ATP5F1E: variants seen among roughly 807,000 people sequenced by gnomAD.
ATP5F1E encodes the protein ATP synthase F(1) complex subunit epsilon, mitochondrial.
A neutral mutation model predicts 7.0 loss-of-function variants in ATP5F1E; 5 were observed. The ratio of observed to expected loss-of-function variants is 0.71; its 90% CI spans 0.37 to 1.49. The LOEUF (loss-of-function observed/expected upper bound fraction) is 1.49. Among genes scored for constraint, ATP5F1E ranks in the 40% most tolerant of loss-of-function variants. ATP5F1E has a pLI of 0.03. For missense variants in ATP5F1E, 59 were observed against 57.1 expected (o/e 1.03, Z -0.11); for synonymous variants, 20 against 20.1 (o/e 0.99, Z 0.02).
chr20:59,031,002 ACAT>A (rs1260232497), intron 1 of ATP5F1E, among the ~76,000 whole-genome samples: 6 of 152,256 alleles, frequency 3.9e-5, no homozygotes, highest in Admixed American at 2.6e-4. Flanking sequence ...TGCTTAGAGA[ACAT>A]CATCAATTCT....
intron 2 of ATP5F1E, 74 bp downstream of exon 2, chr20:59,030,229 A>G: frequency 6.3e-7 from 1 of 1,582,408 alleles, no homozygotes; most frequent in African/African-American, 1.3e-5. Flanking sequence ...ACCCAAAACT[A>G]AAATTATTTT....
chr20:59,030,405 A>G lies in ATP5F1E; in HGVS notation c.57T>C (p.Cys19=). The G allele has an allele frequency of 6.2e-7, 1 of 1,613,840 alleles. No individual in the cohort carries two copies. Among genetic ancestry groups the G allele is most frequent in the South Asian group, 1.1e-5 (1 of 91,088 alleles). ...GLSYIRYSQI[C]AKAVRDALKT... ...TCAGTGCATCTCTCACTGCTTTTGC[A>G]CAGATCTGGGAGTATCGGATGTAGC... The change falls in exon 2 of 3, where the codon TGT becomes TGC. Residue 19 remains cysteine (C), a synonymous_variant. Transcript: ENST00000243997.
intron 2 of ATP5F1E, 83 bp downstream of exon 2, chr20:59,030,220 C>G (rs2092017159): frequency 6.4e-7 from 1 of 1,558,208 alleles, no homozygotes; most frequent in Admixed American, 1.8e-5. Flanking sequence ...ATGAATAGAA[C>G]CCAAAACTAA....
intron 2 of ATP5F1E, chr20:59,029,612 GA>G (rs1255439132): frequency 2.6e-5 from 4 of 152,198 alleles, no homozygotes; most frequent in African/African-American, 9.6e-5. Flanking sequence ...ACAATGTCAA[GA>G]AAGTACTTTA....
In ATP5F1E at chr20:59,032,321, T is replaced by G. The variant is rs2092038465; in HGVS notation, c.-70A>C. On this transcript the variant is annotated 5_prime_UTR_variant, in exon 1 of 3. Transcript: ENST00000243997. ...CGGCAATGTCGGCTCAGCCGGGCGG[T>G]TCAGCCGCAGGAAGATCAGACCACA... 1 of 1,558,858 alleles carries G rather than the reference T, an allele frequency of 6.4e-7. No homozygotes were observed. Among genetic ancestry groups the G allele is most frequent in the East Asian group, 2.3e-5 (1 of 42,574 alleles).
Position 59,028,061 on chromosome 20 carries a change from A to C in ATP5F1E, c.*784T>G, listed in dbSNP as rs754692396. The stretch of plus-strand genomic sequence containing the variant: ...AAGAAAGATAAAAACATAACTTGCA[A>C]CAATTTTTCATCCCTAAATAATGAA... On this transcript the variant is annotated 3_prime_UTR_variant, in exon 3 of 3. Coordinates refer to ENST00000243997, the MANE Select transcript of ATP5F1E (RefSeq NM_006886.4). 1.4e-4 allele frequency: 22 copies of C among 152,256 alleles called. No homozygotes were observed. The highest frequency in any genetic ancestry group is 5.2e-4 in the Admixed American group (8 of 15,294). The allele number at this position is 152,256 out of a possible 1,614,324, so 9.4% of individuals were successfully genotyped here.
intron 1 of ATP5F1E, 49 bp downstream of exon 1, chr20:59,032,171 G>A: frequency 6.4e-7 from 1 of 1,566,866 alleles, no homozygotes; most frequent in Non-Finnish European, 8.6e-7. Flanking sequence ...GCACCGGGAT[G>A]CGCGCGGGCC....
rs1315644416 is a variant in ATP5F1E, at chr20:59,026,478, G to A, written c.*2367C>T. 6.6e-6 allele frequency: 1 copy of A among 152,136 alleles called. No individual in the cohort carries two copies. The highest frequency in any genetic ancestry group is 1.5e-5 in the Non-Finnish European group (1 of 68,014). The allele number at this position is 152,136 out of a possible 1,614,324, so 9.4% of individuals were successfully genotyped here. Reference sequence around the variant, plus strand: ...TGCTTTACTTCCCAAACCTAAAAAAGCAATGAAATAGATGTAAGGAAGGAG... The same window carrying A: ...TGCTTTACTTCCCAAACCTAAAAAAACAATGAAATAGATGTAAGGAAGGAG... On this transcript the variant is annotated 3_prime_UTR_variant, in exon 3 of 3. Coordinates refer to ENST00000243997, the MANE Select transcript of ATP5F1E (RefSeq NM_006886.4).
chr20:59,030,344 C>T lies in ATP5F1E; in HGVS notation c.118G>A (p.Gly40Ser). The T allele has an allele frequency of 1.2e-6, 2 of 1,613,868 alleles. No homozygotes were observed. The highest frequency in any genetic ancestry group is 8.5e-7 in the Non-Finnish European group (1 of 1,179,898). Residue 40 changes from glycine to serine, a missense_variant, in exon 2 of 3, where the codon GGC becomes AGC. Transcript: ENST00000243997. ...ACTTTCACAATTTTTACGTTGCTGCCAGAAGTCTTCTCAGCATTTGCTTTG... is the reference window on the plus strand; with the variant it reads ...ACTTTCACAATTTTTACGTTGCTGCTAGAAGTCTTCTCAGCATTTGCTTTG... The part of the protein sequence containing the change: ...EFKANAEKTS[G>S]SNVKIVKVKK...
In ATP5F1E at chr20:59,027,070, T is replaced by C. The variant is rs753905261; in HGVS notation, c.*1775A>G. ...CTACTGGTTTAGGATTTTTTTTTAATCACGGAGAAAAGAGCCTCTAAGAAT... is the reference window on the plus strand; with the variant it reads ...CTACTGGTTTAGGATTTTTTTTTAACCACGGAGAAAAGAGCCTCTAAGAAT... On this transcript the variant is annotated 3_prime_UTR_variant, in exon 3 of 3. Coordinates refer to ENST00000243997, the MANE Select transcript of ATP5F1E (RefSeq NM_006886.4). 6.6e-6 allele frequency: 1 copy of C among 152,210 alleles called. No homozygotes were observed. Among genetic ancestry groups the C allele is most frequent in the Non-Finnish European group, 1.5e-5 (1 of 68,032 alleles). The allele number at this position is 152,210 out of a possible 1,614,324, so 9.4% of individuals were successfully genotyped here.
Position 59,028,022 on chromosome 20 carries a change from C to T in ATP5F1E, c.*823G>A, listed in dbSNP as rs1419230787. On this transcript the variant is annotated 3_prime_UTR_variant, in exon 3 of 3. Coordinates refer to ENST00000243997, the MANE Select transcript of ATP5F1E (RefSeq NM_006886.4). ...GCAATGGTGTTTTACTTGCCCAAGC[C>T]CTTTCAAGTTTCAAAGAAAGATAAA... 1 of 152,154 alleles carries T rather than the reference C, an allele frequency of 6.6e-6. No homozygotes were observed. Among genetic ancestry groups the T allele is most frequent in the Non-Finnish European group, 1.5e-5 (1 of 68,038 alleles). The allele number at this position is 152,154 out of a possible 1,614,324, so 9.4% of individuals were successfully genotyped here. A position where few individuals can be genotyped will look rare whatever the true frequency, so the allele number is the denominator to read the frequency against.
intron 1 of ATP5F1E, among the ~76,000 whole-genome samples, chr20:59,031,434 C>T (rs140222856): frequency 6.6e-6 from 1 of 152,344 alleles, no homozygotes; most frequent in Admixed American, 6.5e-5. Context: ...GCTGGCTTGA[C>T]CTCAGCAAGT....
At chr20:59,030,595 A>G (rs1221672749) in intron 1 of ATP5F1E, among the ~76,000 whole-genome samples, 166 bp from the exon 2 acceptor site, 1 of 152,284 alleles carries the variant, frequency 6.6e-6, no homozygotes, top group African/African-American at 2.4e-5. Context: ...ATCTATACAA[A>G]GAAAAAGAAC....
chr20:59,032,320 G>C lies in ATP5F1E; in HGVS notation c.-69C>G. ...CCGGCAATGTCGGCTCAGCCGGGCG[G>C]TTCAGCCGCAGGAAGATCAGACCAC... On this transcript the variant is annotated 5_prime_UTR_variant, in exon 1 of 3. Coordinates refer to ENST00000243997, the MANE Select transcript of ATP5F1E (RefSeq NM_006886.4). 7.7e-6 allele frequency: 12 copies of C among 1,560,122 alleles called. No individual in the cohort carries two copies. The highest frequency in any genetic ancestry group is 3.5e-5 in the South Asian group (3 of 85,236).
chr20:59,027,167 G>A lies in ATP5F1E; in HGVS notation c.*1678C>T, dbSNP rs2091999071. On this transcript the variant is annotated 3_prime_UTR_variant, in exon 3 of 3. Transcript: ENST00000243997. ...TCCATATCACAAGCCCTGTCCCTAA[G>A]TCTCACCTCTAATTACCCCATCTGC... is the stretch of plus-strand genomic sequence containing the variant. The A allele has an allele frequency of 6.6e-6, 1 of 152,060 alleles. No individual in the cohort carries two copies. 9.4% of individuals were successfully genotyped at this position (152,060 alleles called of 1,614,324 possible).
Position 59,032,260 on chromosome 20 carries a change from GA to G in ATP5F1E, c.-10del. The G allele has an allele frequency of 6.2e-7, 1 of 1,601,054 alleles. No individual in the cohort carries two copies. Among genetic ancestry groups the G allele is most frequent in the South Asian group, 1.1e-5 (1 of 88,830 alleles). Reference sequence around the variant, plus strand: ...CTCCAGTAGGCCACCATGCTGTAGCGAAAGCGGAGCTCGTCGGGCCGAATCG... The same window carrying G: ...CTCCAGTAGGCCACCATGCTGTAGCGAAGCGGAGCTCGTCGGGCCGAATCG... On this transcript the variant is annotated 5_prime_UTR_variant, in exon 1 of 3. Transcript: ENST00000243997.
chr20:59,032,090 G>A (rs2092035746), intron 1 of ATP5F1E, 130 bp downstream of exon 1: 8 of 1,311,532 alleles, frequency 6.1e-6, no homozygotes, highest in South Asian at 1.3e-5. Flanking sequence ...CATCTTGGCG[G>A]CGACGCCCGA....
chr20:59,030,315 C>T lies in ATP5F1E; in HGVS notation c.147G>A (p.Lys49=), dbSNP rs1329602438. 6.2e-6 allele frequency: 10 copies of T among 1,613,578 alleles called. No homozygotes were observed. The African/African-American group carries it at 1.3e-4, about 22-fold the overall frequency. ...ATCCATAACTTACAGATTATTCCTT[C>T]TTTACTTTCACAATTTTTACGTTGC... ...SGSNVKIVKV[K]KE is the part of the protein sequence containing the mutation. Residue 49 remains lysine (K), a synonymous_variant, in exon 2 of 3, where the codon AAG becomes AAA. Transcript: ENST00000243997.
intron 1 of ATP5F1E, 133 bp downstream of exon 1, chr20:59,032,087 G>A: frequency 3.1e-6 from 4 of 1,283,080 alleles, no homozygotes; most frequent in South Asian, 1.3e-5. Context: ...CGCCATCTTG[G>A]CGGCGACGCC....
Sources: gnomAD v4.1 joint callset for allele counts (sites outside exome capture counted in the v4.1 genomes callset) on GRCh38, gnomAD v4.1.1 for gene constraint, MANE v1.5 for transcripts, NCBI Gene and HGNC (gene_info 2026-07-23, HGNC 2026-07-21) for gene names.